Variants in CSMD1 observed in about 807,000 individuals in gnomAD.
CSMD1 encodes the protein CUB and sushi domain-containing protein 1.
Under a neutral mutation model 417.5 loss-of-function variants are expected in CSMD1, and 213 were observed. That is an observed-to-expected ratio of 0.51 (90% CI 0.46 to 0.57). The LOEUF (loss-of-function observed/expected upper bound fraction) is 0.57, where lower values mean the gene tolerates loss of function less well. CSMD1 is among the 20% of genes least tolerant of loss of function. The pLI is 0.00. For synonymous variants in CSMD1, 2,862 were observed against 1,736.8 expected, an observed-to-expected ratio of 1.65 and a Z score of -16.11; for missense variants, 6,923 against 4,529.7, an observed-to-expected ratio of 1.53 and a Z score of -15.17.
chr8:4,052,567 A>G (rs1406239396), intron 3 of CSMD1, among the ~76,000 whole-genome samples: 1 of 152,098 alleles, frequency 6.6e-6, no homozygotes, highest in Non-Finnish European at 1.5e-5. Flanking sequence ...GCAAGCTGAG[A>G]AAATCACGAA....
At chr8:4,026,399 C>G (rs1358044053) in intron 4 of CSMD1, among the ~76,000 whole-genome samples, 1 of 152,202 alleles carries the variant, frequency 6.6e-6, no homozygotes, top group African/African-American at 2.4e-5. Context: ...GGATTTACCA[C>G]ATGGGTGGCA....
intron 3 of CSMD1, among the ~76,000 whole-genome samples, chr8:4,174,721 G>A (rs1184652793): frequency 2.0e-5 from 2 of 100,492 alleles, no homozygotes; most frequent in Non-Finnish European, 3.8e-5. Context: ...GAGAGGAAGA[G>A]GGATGTGAGG....
At position 3,140,895 on chromosome 8, in the gene CSMD1, A is replaced by T. The variant is rs1178140966; in HGVS notation, c.6241+1570T>A. Among the ~76,000 whole-genome samples the T allele has an allele frequency of 2.0e-5, 3 of 152,302 alleles. No homozygotes were observed. In the East Asian group the frequency reaches 5.8e-4, roughly 29 times the overall value. On this transcript the variant is annotated intron_variant, in intron 41 of 69. Transcript: ENST00000635120. ...ACTTTTCTTAGAGATTGCATATTTGAAGGAATAAAAAGGATAAAGTTCAAT... is the reference window on the plus strand; with the variant it reads ...ACTTTTCTTAGAGATTGCATATTTGTAGGAATAAAAAGGATAAAGTTCAAT...
At chr8:4,284,722 G>A (rs985004426) in intron 3 of CSMD1, among the ~76,000 whole-genome samples, 1 of 152,146 alleles carries the variant, frequency 6.6e-6, no homozygotes, top group Non-Finnish European at 1.5e-5. Flanking sequence ...ACGACTCCCA[G>A]GAGGGTAACT....
chr8:4,572,930 C>T (rs137880233), intron 2 of CSMD1, among the ~76,000 whole-genome samples: 179 of 152,210 alleles, frequency 1.2e-3, no homozygotes, highest in African/African-American at 3.8e-3. Flanking sequence ...CTTGTGTATG[C>T]GTCATGAAGT....
At position 4,420,080 on chromosome 8, in the gene CSMD1, C is replaced by T. The variant is rs184816015; in HGVS notation, c.303-15G>A. 1 of 1,521,572 alleles carries T rather than the reference C, an allele frequency of 6.6e-7. No individual in the cohort carries two copies. Among genetic ancestry groups the T allele is most frequent in the Non-Finnish European group, 8.9e-7 (1 of 1,120,034 alleles). 94.3% of individuals were successfully genotyped at this position (1,521,572 alleles called of 1,614,324 possible). Reference sequence around the variant, plus strand: ...ATCCCGATAATCTAAATTTAAAAGACAAGACACAAAGAGAGTTAAAAGCAT... The same window carrying T: ...ATCCCGATAATCTAAATTTAAAAGATAAGACACAAAGAGAGTTAAAAGCAT... On this transcript the variant is annotated splice_polypyrimidine_tract_variant and intron_variant, in intron 2 of 69. Transcript: ENST00000635120.
At chr8:4,441,094 G>GTTTTTTTT (rs1563176229) in intron 2 of CSMD1, among the ~76,000 whole-genome samples, 1 of 27,074 alleles carries the variant, frequency 3.7e-5, no homozygotes, top group Non-Finnish European at 7.3e-5. Flanking sequence ...TTAATCAAAA[G>GTTTTTTTT]GTTTTTTTTT....
Position 3,284,327 on chromosome 8 carries a change from C to G in CSMD1, c.3970G>C (p.Asp1324His), listed in dbSNP as rs573336549. 8 of 1,613,596 alleles carry G rather than the reference C, an allele frequency of 5.0e-6. No homozygotes were observed. The highest frequency in any genetic ancestry group is 6.8e-6 in the Non-Finnish European group (8 of 1,179,802). The part of the protein sequence containing the change: ...KTISLHFIVF[D>H]TEMAHDILKV... ...AGGATGTCGTGAGCCATCTCCGTGTCGAAAACAATGAAATGGAGGCTGCAA... is the reference window on the plus strand; with the variant it reads ...AGGATGTCGTGAGCCATCTCCGTGTGGAAAACAATGAAATGGAGGCTGCAA... Residue 1324 changes from aspartate (D) to histidine (H), a missense_variant, in exon 26 of 70, where the codon GAC (aspartate) becomes CAC (histidine). Asp to His is a moderately conservative substitution (Grantham distance 81). Coordinates refer to ENST00000635120, the MANE Select transcript of CSMD1 (RefSeq NM_033225.6).
At chr8:3,709,678 A>ATTTTTTTTTTTTTTTTTTTTT (rs1563296488) in intron 6 of CSMD1, among the ~76,000 whole-genome samples, 1 of 24,318 alleles carries the variant, frequency 4.1e-5, no homozygotes, top group Non-Finnish European at 8.9e-5. Flanking sequence ...TTGCAGCAGC[A>ATTTTTTTTTTTTTTTTTTTTT]TGTTTTTTTT....
At chr8:4,598,943 C>A (rs1382248) in intron 2 of CSMD1, among the ~76,000 whole-genome samples, 127,222 of 152,196 alleles carry the variant, frequency 0.84, 53,274 homozygotes, top group Non-Finnish European at 0.86. Context: ...TCAGTTGTTT[C>A]TAAATCAAAT....
chr8:3,941,022 C>G (rs77122598), intron 5 of CSMD1, among the ~76,000 whole-genome samples: 1 of 151,626 alleles, frequency 6.6e-6, no homozygotes, highest in Non-Finnish European at 1.5e-5. Flanking sequence ...TATTTCCATG[C>G]TACATGTGAT....
intron 5 of CSMD1, among the ~76,000 whole-genome samples, chr8:3,794,871 ATC>A (rs71203478): frequency 1.3e-5 from 2 of 150,522 alleles, no homozygotes; most frequent in African/African-American, 2.4e-5. Flanking sequence ...TTTACCAATG[ATC>A]TCTCTCTCTC....
intron 2 of CSMD1, among the ~76,000 whole-genome samples, chr8:4,624,609 G>C (rs981668936): frequency 2.0e-5 from 3 of 152,150 alleles, no homozygotes; most frequent in South Asian, 2.1e-4. Flanking sequence ...CACGACATTG[G>C]ACACGCCTCA....
At chr8:4,677,712 A>T (rs1260760346) in intron 1 of CSMD1, among the ~76,000 whole-genome samples, 1 of 152,154 alleles carries the variant, frequency 6.6e-6, no homozygotes, top group African/African-American at 2.4e-5. Context: ...GATGCAGAAA[A>T]CCCATTAGAG....
intron 10 of CSMD1, among the ~76,000 whole-genome samples, chr8:3,566,368 A>T (rs1454255354): frequency 6.6e-6 from 1 of 152,168 alleles, no homozygotes; most frequent in Non-Finnish European, 1.5e-5. Flanking sequence ...AGGTGGATAG[A>T]GTTAATACAA....
At chr8:4,133,299 A>C (rs1219089669) in intron 3 of CSMD1, among the ~76,000 whole-genome samples, 2 of 152,206 alleles carry the variant, frequency 1.3e-5, no homozygotes, top group African/African-American at 4.8e-5. Context: ...TAAAAGTCTA[A>C]GTTTATACTG....
intron 63 of CSMD1, among the ~76,000 whole-genome samples, 167 bp from the exon 64 acceptor site, chr8:2,955,935 C>T (rs908045023): frequency 2.0e-5 from 3 of 151,668 alleles, no homozygotes; most frequent in African/African-American, 7.3e-5. Context: ...GAGATGAAGT[C>T]TTGCTATGTT....
At chr8:4,392,059 T>G (rs1296092410) in intron 3 of CSMD1, among the ~76,000 whole-genome samples, 1 of 152,202 alleles carries the variant, frequency 6.6e-6, no homozygotes, top group Non-Finnish European at 1.5e-5. Flanking sequence ...TGCGACCCTG[T>G]GGGACACCAT....
At chr8:3,616,255 T>G (rs1020798926) in intron 8 of CSMD1, among the ~76,000 whole-genome samples, 4 of 152,204 alleles carry the variant, frequency 2.6e-5, no homozygotes, top group African/African-American at 9.6e-5. Context: ...TGGGGTCAGT[T>G]ACCCTCATGC....
Sources: gnomAD v4.1 joint callset for allele counts (sites outside exome capture counted in the v4.1 genomes callset) on GRCh38, gnomAD v4.1.1 for gene constraint, MANE v1.5 for transcripts, NCBI Gene and HGNC (gene_info 2026-07-23, HGNC 2026-07-21) for gene names.